The following FANCD2OS variants were observed in gnomAD, a reference collection of about 807,000 sequenced individuals.
FANCD2OS encodes the protein FANCD2 opposite strand protein.
A neutral mutation model predicts 13.2 loss-of-function variants in FANCD2OS; 11 were observed. The ratio of observed to expected loss-of-function variants is 0.83; its 90% confidence interval spans 0.52 to 1.38. The LOEUF (loss-of-function observed/expected upper bound fraction) is 1.38, where lower values mean the gene tolerates loss of function less well. Ranked by LOEUF, FANCD2OS falls within the 40% of genes most tolerant of loss-of-function variation. FANCD2OS has a pLI of 0.00. For synonymous variants in FANCD2OS, 69 were observed against 84.5 expected, an observed-to-expected ratio of 0.82 and a Z score of 1.01; for missense variants, 217 against 213.9, an observed-to-expected ratio of 1.01 and a Z score of -0.09.
downstream of FANCD2OS, chr3:10,103,062 G>T: frequency 4.5e-6 from 2 of 443,780 alleles, no homozygotes; most frequent in South Asian, 1.6e-5. Flanking sequence ...TTCAAGACCA[G>T]CTTGGGCAAT....
At chr3:10,086,291 T>G (rs1694195805) in intron 2 of FANCD2OS, among the ~76,000 whole-genome samples, 1 of 152,198 alleles carries the variant, frequency 6.6e-6, no homozygotes. Context: ...TCTTTCCCCT[T>G]GTCTTGTAGG....
intron 2 of FANCD2OS, chr3:10,085,877 G>T: frequency 6.2e-7 from 1 of 1,613,606 alleles, no homozygotes; most frequent in South Asian, 1.1e-5. Context: ...CTTAGTAGCC[G>T]ACTGAAACAG....
At chr3:10,087,283 T>C (rs76825922) in intron 2 of FANCD2OS, 2 of 634,450 alleles carry the variant, frequency 3.2e-6, no homozygotes, top group Admixed American at 3.8e-5. Flanking sequence ...CCTAGATCCT[T>C]TTTTTTTTTT....
At chr3:10,098,921 C>T, downstream of FANCD2OS, 2 of 1,614,172 alleles carry the variant, frequency 1.2e-6, no homozygotes, top group South Asian at 2.2e-5. Flanking sequence ...TTGTCAAATG[C>T]TTCTATGCCC....
At chr3:10,089,135 A>C (rs1694421605) in intron 2 of FANCD2OS, among the ~76,000 whole-genome samples, 1 of 152,024 alleles carries the variant, frequency 6.6e-6, no homozygotes, top group South Asian at 2.1e-4. Context: ...AAATACAAAA[A>C]TTAGCCGGGC....
chr3:10,099,225 GCA>G (rs1695159445), downstream of FANCD2OS: 3 of 1,346,778 alleles, frequency 2.2e-6, no homozygotes, highest in Non-Finnish European at 2.9e-6. Flanking sequence ...GAAAGCCAAA[GCA>G]CAGAGTCAGA....
intron 2 of FANCD2OS, chr3:10,090,443 ATTTTTTTTTTT>A (rs773716319): frequency 1.7e-4 from 59 of 342,290 alleles, no homozygotes; most frequent in East Asian, 3.7e-4. Context: ...GAAGTTGCTG[ATTTTTTTTTTT>A]TTTTTTTTTT....
rs148056567 is a variant in FANCD2OS, at chr3:10,104,764, T to C, written c.11A>G (p.Tyr4Cys). The C allele has an allele frequency of 7.9e-4, 1,254 of 1,582,018 alleles. No homozygotes were observed. The highest frequency in any genetic ancestry group is 1.0e-3 in the Non-Finnish European group (1,181 of 1,162,716). Residue 4 changes from tyrosine to cysteine, a missense_variant, in exon 2 of 2, where the codon TAC becomes TGC. Coordinates refer to ENST00000450660, the MANE Select transcript of FANCD2OS (RefSeq NM_001164839.2). MAG[Y>C]QLWSPWTPLD... ...TGGGGTCCATGGTGACCAGAGCTGG[T>C]ATCCTGCCATTGACAGTCCTAAAGG...
At chr3:10,086,307 C>T (rs1027797752) in intron 2 of FANCD2OS, among the ~76,000 whole-genome samples, 3 of 152,040 alleles carry the variant, frequency 2.0e-5, no homozygotes, top group Non-Finnish European at 2.9e-5. Flanking sequence ...GTAGGAAGAC[C>T]TTATGTGGCT....
At position 10,088,513 on chromosome 3, in the gene FANCD2OS, C is replaced by T. The variant is rs753964157; in HGVS notation, c.*44-6982G>A. 1.9e-6 allele frequency: 3 copies of T among 1,609,552 alleles called. No individual in the cohort carries two copies. The highest frequency in any genetic ancestry group is 2.6e-6 in the Non-Finnish European group (3 of 1,175,820). ...GTGGGGATAAAGAGAAGAGCAACATCTCTAATGACCAGCTCCATGCTCTGC... is the reference window on the plus strand; with the variant it reads ...GTGGGGATAAAGAGAAGAGCAACATTTCTAATGACCAGCTCCATGCTCTGC... On this transcript the variant is annotated intron_variant, in intron 2 of 2. Coordinates refer to the FANCD2OS transcript ENST00000524279.
At chr3:10,083,367 A>G (rs1242745159) in intron 2 of FANCD2OS, among the ~76,000 whole-genome samples, 1 of 152,234 alleles carries the variant, frequency 6.6e-6, no homozygotes, top group African/African-American at 2.4e-5. Flanking sequence ...TAAAAGCACA[A>G]TGAGATAGCA....
intron 2 of FANCD2OS, among the ~76,000 whole-genome samples, chr3:10,081,841 C>T (rs1693857511): frequency 6.6e-6 from 1 of 151,956 alleles, no homozygotes; most frequent in African/African-American, 2.4e-5. Context: ...CAAGGGAACC[C>T]CAGAAGGGTA....
At chr3:10,082,588 C>A (rs763860470) in intron 2 of FANCD2OS, among the ~76,000 whole-genome samples, 24 of 152,146 alleles carry the variant, frequency 1.6e-4, no homozygotes, top group Non-Finnish European at 2.9e-4. Context: ...AATTTGAGCA[C>A]CCTATATAGC....
chr3:10,086,675 C>A (rs143915539), intron 2 of FANCD2OS, among the ~76,000 whole-genome samples: 1 of 152,098 alleles, frequency 6.6e-6, no homozygotes, highest in African/African-American at 2.4e-5. Flanking sequence ...GAGATGTTTT[C>A]GACATGTGGC....
intron 2 of FANCD2OS, among the ~76,000 whole-genome samples, chr3:10,087,864 G>T (rs962159681): frequency 2.0e-5 from 3 of 151,940 alleles, no homozygotes; most frequent in African/African-American, 7.3e-5. Flanking sequence ...GGTCAGGCTG[G>T]TCTCGAACTC....
intron 1 of FANCD2OS, among the ~76,000 whole-genome samples, chr3:10,105,785 T>A (rs1452982973): frequency 6.4e-5 from 3 of 47,052 alleles, no homozygotes; most frequent in East Asian, 1.0e-3. Context: ...TATATATATA[T>A]ATATATATAT....
chr3:10,094,148 A>G (rs974434843), intron 2 of FANCD2OS: 4 of 688,498 alleles, frequency 5.8e-6, no homozygotes, highest in Non-Finnish European at 1.0e-5. Flanking sequence ...CTCCAAATAA[A>G]CCTTTTGGAC....
intron 2 of FANCD2OS, among the ~76,000 whole-genome samples, chr3:10,082,436 G>A (rs6789156): frequency 0.24 from 36,224 of 151,920 alleles, 5,669 homozygotes; most frequent in African/African-American, 0.45. Context: ...CATAAACCCA[G>A]TTTGATCCTA....
At chr3:10,101,265 C>T (rs3172417), downstream of FANCD2OS, 602,735 of 1,598,442 alleles carry the variant, frequency 0.38, 122,502 homozygotes, top group Non-Finnish European at 0.42. Context: ...CTGATTAGAC[C>T]CCAGATAAAT....
Sources: allele counts gnomAD v4.1 joint callset (sites outside exome capture counted in the v4.1 genomes callset), GRCh38; gene constraint gnomAD v4.1.1; transcripts MANE v1.5; gene names NCBI Gene and HGNC (gene_info 2026-07-23, HGNC 2026-07-21).